Variants in DDHD2 observed in about 807,000 individuals in gnomAD.
The protein encoded by DDHD2 is triacylglycerol hydrolase DDHD2.
DDHD2 carries 62 observed loss-of-function variants against 91.2 expected under a neutral mutation model. The ratio of observed to expected loss-of-function variants is 0.68; its 90% CI spans 0.55 to 0.84. The LOEUF is 0.84. DDHD2 is among the 40% of genes least tolerant of loss of function. The probability of loss-of-function intolerance (pLI) is 0.00; values close to 1 mark genes in which losing one functional copy is unlikely to be tolerated. For missense variants in DDHD2, 740 were observed against 846.9 expected (o/e 0.87, Z 1.57); for synonymous variants, 271 against 293.9 (o/e 0.92, Z 0.80).
chr8:38,268,801 C>G, intron 1 of DDHD2: 3 of 1,447,198 alleles, frequency 2.1e-6, no homozygotes, highest in Non-Finnish European at 2.7e-6. Context: ...CTACAAAGGC[C>G]GTCTCGGGGT....
At chr8:38,245,059 T>G (rs1805520247) in intron 7 of DDHD2, among the ~76,000 whole-genome samples, 1 of 151,392 alleles carries the variant, frequency 6.6e-6, no homozygotes, top group Non-Finnish European at 1.5e-5. Flanking sequence ...TATACATATT[T>G]ATATAATTAC....
At chr8:38,249,097 T>G (rs544329149) in intron 10 of DDHD2, among the ~76,000 whole-genome samples, 1 of 151,980 alleles carries the variant, frequency 6.6e-6, no homozygotes, top group Non-Finnish European at 1.5e-5. Context: ...AGTATAGAAA[T>G]CAAGGAAGTT....
intron 1 of DDHD2, chr8:38,268,949 G>C: frequency 6.4e-7 from 1 of 1,565,904 alleles, no homozygotes; most frequent in Non-Finnish European, 8.6e-7. Flanking sequence ...CATCTCCTCC[G>C]GCTGGATGAG....
At chr8:38,259,116 C>T (rs977842491) in intron 16 of DDHD2, among the ~76,000 whole-genome samples, 1 of 152,008 alleles carries the variant, frequency 6.6e-6, no homozygotes. Context: ...CCAAAAAGTG[C>T]ATAATATTTT....
At chr8:38,266,995 T>C (rs1807715561), downstream of DDHD2, 2 of 1,322,890 alleles carry the variant, frequency 1.5e-6, no homozygotes, top group African/African-American at 1.5e-5. Context: ...GTTAAAGGTA[T>C]TTTTATTGCT....
At chr8:38,250,265 T>TC (rs1806011739) in intron 11 of DDHD2, 2 of 141,766 alleles carry the variant, frequency 1.4e-5, no homozygotes, top group African/African-American at 5.1e-5. Flanking sequence ...TTTACATTCT[T>TC]TTTTTTTTCT....
chr8:38,265,012 T>A, downstream of DDHD2: 2 of 1,134,298 alleles, frequency 1.8e-6, no homozygotes, highest in Non-Finnish European at 2.7e-6. Flanking sequence ...CTCACGCCTG[T>A]AATCCCAGCA....
At chr8:38,252,337 G>A (rs1264929759) in intron 13 of DDHD2, 50 bp downstream of exon 13, 1 of 1,543,430 alleles carries the variant, frequency 6.5e-7, no homozygotes, top group Non-Finnish European at 8.7e-7. Context: ...AGGGCTTATT[G>A]TTAAAGAACA....
chr8:38,244,206 T>C (rs28867132), intron 7 of DDHD2, among the ~76,000 whole-genome samples: 34,047 of 151,994 alleles, frequency 0.22, 3,987 homozygotes, highest in East Asian at 0.31. Context: ...CTTTGGCCTC[T>C]TAAAGTGCTG....
Position 38,242,019 on chromosome 8 carries a change from AC to A in DDHD2, c.713-227del, listed in dbSNP as rs1805303699. ...CAGTGAGGTGAGATCTCGCCACTGC[AC>A]CCCAGCTTGGGTTACAGAGCAGTAC... On this transcript the variant is annotated intron_variant, in intron 6 of 17. Coordinates refer to ENST00000397166, the MANE Select transcript of DDHD2 (RefSeq NM_015214.3). The A allele has an allele frequency of 7.6e-6, 3 of 395,266 alleles. No individual in the cohort carries two copies. The South Asian group carries it at 1.0e-4, about 14-fold the overall frequency. The allele number at this position is 395,266 out of a possible 1,614,324, so 24.5% of individuals were successfully genotyped here.
intron 6 of DDHD2, among the ~76,000 whole-genome samples, chr8:38,241,672 GC>G (rs1286256052): frequency 6.6e-6 from 1 of 151,630 alleles, no homozygotes; most frequent in East Asian, 2.0e-4. Context: ...ACCTGCCTTG[GC>G]CCCCCAAAGT....
At chr8:38,234,213 C>T (rs1167131059) in intron 2 of DDHD2, among the ~76,000 whole-genome samples, 181 bp from the exon 3 acceptor site, 2 of 151,822 alleles carry the variant, frequency 1.3e-5, no homozygotes, top group African/African-American at 4.8e-5. Context: ...ATGGTTTTGA[C>T]GGTTTGTAAA....
In DDHD2 at chr8:38,261,449, T is replaced by C. The variant is rs1807020964; in HGVS notation, c.*876T>C. The stretch of plus-strand genomic sequence containing the variant: ...CTGCTGAGGTTCTAAATAAAACCTT[T>C]TAGTGGTGCCTTTATGGTGAAACAG... On this transcript the variant is annotated 3_prime_UTR_variant, in exon 18 of 18. Transcript: ENST00000397166. 1 of 152,238 alleles carries C rather than the reference T, an allele frequency of 6.6e-6. No individual in the cohort carries two copies. Among genetic ancestry groups the C allele is most frequent in the Non-Finnish European group, 1.5e-5 (1 of 68,042 alleles). 9.4% of individuals were successfully genotyped at this position (152,238 alleles called of 1,614,324 possible). A position where few individuals can be genotyped will look rare whatever the true frequency, so the allele number is the denominator to read the frequency against.
rs1805588000 is a variant in DDHD2 at position 38,245,760 on chromosome 8, C to G, written c.867C>G (p.Thr289=). ...TTTTCAGAGATCTGCAGCGAATAACCCTGCCCAGCATTAACCGCCTCAGGC... is the reference window on the plus strand; with the variant it reads ...TTTTCAGAGATCTGCAGCGAATAACGCTGCCCAGCATTAACCGCCTCAGGC... ...TGVDVDLQRI[T]LPSINRLRHF... The change falls in exon 8 of 18, where the codon ACC becomes ACG. Residue 289 remains threonine, a synonymous_variant. Coordinates refer to ENST00000397166, the MANE Select transcript of DDHD2 (RefSeq NM_015214.3). 1 of 1,614,020 alleles carries G rather than the reference C, an allele frequency of 6.2e-7. No homozygotes were observed. The highest frequency in any genetic ancestry group is 1.3e-5 in the African/African-American group (1 of 75,016).
intron 16 of DDHD2, among the ~76,000 whole-genome samples, chr8:38,254,089 G>A (rs199645672): frequency 5.8e-5 from 8 of 137,528 alleles, no homozygotes; most frequent in Non-Finnish European, 8.1e-5. Flanking sequence ...AAAAAAAAAA[G>A]ACCTGTGTAC....
At chr8:38,268,793 A>G (rs991642500) in intron 1 of DDHD2, 57 of 1,446,820 alleles carry the variant, frequency 3.9e-5, no homozygotes, top group Non-Finnish European at 5.0e-5. Context: ...GTGGGTCCCT[A>G]CAAAGGCCGT....
chr8:38,246,150 A>C, intron 8 of DDHD2, 83 bp from the exon 9 acceptor site: 1 of 1,157,758 alleles, frequency 8.6e-7, no homozygotes. Flanking sequence ...TACATATGTA[A>C]TTGGCTTATG....
intron 3 of DDHD2, among the ~76,000 whole-genome samples, chr8:38,237,039 T>TCCC (rs1804831054): frequency 6.6e-6 from 1 of 152,116 alleles, no homozygotes; most frequent in Non-Finnish European, 1.5e-5. Context: ...GGAGTATTTT[T>TCCC]CCCCCTTTGT....
Position 38,232,375 on chromosome 8 carries a change from A to G in DDHD2, c.-9+516A>G, listed in dbSNP as rs1051143174. On this transcript the variant is annotated intron_variant, in intron 1 of 17. Coordinates refer to ENST00000397166, the MANE Select transcript of DDHD2 (RefSeq NM_015214.3). ...CTTTTGAGGTCGCTTGTTAGCTTTC[A>G]TCTGAGATTCTGGCTATGGGAGTGG... Among the ~76,000 whole-genome samples the G allele has an allele frequency of 2.0e-5, 3 of 152,370 alleles. No individual in the cohort carries two copies. In the East Asian group the frequency reaches 5.8e-4, roughly 29 times the overall value.
Sources: allele counts gnomAD v4.1 joint callset (sites outside exome capture counted in the v4.1 genomes callset), GRCh38; gene constraint gnomAD v4.1.1; transcripts MANE v1.5; gene names NCBI Gene and HGNC (gene_info 2026-07-23, HGNC 2026-07-21).